Variants in DYSF observed in about 807,000 individuals in gnomAD.
DYSF encodes dysferlin.
DYSF carries 212 observed loss-of-function variants against 274.9 expected under a neutral mutation model. The observed-to-expected ratio is 0.77, with a 90% CI of 0.69 to 0.86. The LOEUF (loss-of-function observed/expected upper bound fraction) is 0.86. Among genes scored for constraint, DYSF ranks in the 40% least tolerant of loss-of-function variants. The pLI, the probability that DYSF is intolerant of heterozygous loss-of-function variation, is 0.00. For synonymous variants in DYSF, 1,091 were observed against 1,078.7 expected, an observed-to-expected ratio of 1.01 and a Z score of -0.22; for missense variants, 2,666 against 2,783.2, an observed-to-expected ratio of 0.96 and a Z score of 0.95.
intron 3 of DYSF, among the ~76,000 whole-genome samples, chr2:71,497,389 T>C (rs1428482107): frequency 6.6e-6 from 1 of 152,180 alleles, no homozygotes; most frequent in Non-Finnish European, 1.5e-5. Context: ...TGGTAGGTAA[T>C]TGAATCATGG....
intron 3 of DYSF, among the ~76,000 whole-genome samples, chr2:71,498,914 C>T (rs1329429428): frequency 6.6e-6 from 1 of 152,072 alleles, no homozygotes; most frequent in Non-Finnish European, 1.5e-5. Context: ...AGGTCAGAGA[C>T]TGTATTTTGT....
At chr2:71,495,253 T>TTGAA (rs141883838) in intron 3 of DYSF, among the ~76,000 whole-genome samples, 7,869 of 152,136 alleles carry the variant, frequency 0.052, 248 homozygotes, top group African/African-American at 0.1. Context: ...TACATATTTG[T>TTGAA]TGAATGAATG....
At chr2:71,673,191 G>A (rs951526905) in intron 51 of DYSF, among the ~76,000 whole-genome samples, 18 of 152,198 alleles carry the variant, frequency 1.2e-4, no homozygotes, top group African/African-American at 4.3e-4. Context: ...CACTCACCCA[G>A]GGGAGAGTTA....
chr2:71,531,079 C>A (rs757502630), intron 14 of DYSF, among the ~76,000 whole-genome samples: 2 of 149,382 alleles, frequency 1.3e-5, no homozygotes, highest in African/African-American at 4.9e-5. Flanking sequence ...TTTAAAACAA[C>A]TTTTTTTTTT....
rs532786614 is a variant in DYSF, at chr2:71,534,874, TGCACTAG to T, written c.1381-144_1381-138del. 127 of 760,888 alleles carry T rather than the reference TGCACTAG, an allele frequency of 1.7e-4. 2 individuals are homozygous for T. The South Asian group carries it at 1.8e-3, about 11-fold the overall frequency. 47.1% of individuals were successfully genotyped at this position (760,888 alleles called of 1,614,324 possible). A position where few individuals can be genotyped will look rare whatever the true frequency, so the allele number is the denominator to read the frequency against. On this transcript the variant is annotated intron_variant, in intron 14 of 55. Transcript: ENST00000410020. The stretch of plus-strand genomic sequence containing the variant: ...AAAGATTCCCTGTGTATGAACCCCC[TGCACTAG>T]GCCCCAACCCCAGGGTCTTACACCC...
intron 12 of DYSF, among the ~76,000 whole-genome samples, chr2:71,523,004 A>G (rs897768695): frequency 6.6e-5 from 10 of 152,198 alleles, no homozygotes; most frequent in Non-Finnish European, 1.3e-4. Context: ...GAATTACAAT[A>G]TAGGTTCAGC....
At chr2:71,655,431 T>G (rs1050369003) in intron 42 of DYSF, among the ~76,000 whole-genome samples, 5 of 152,234 alleles carry the variant, frequency 3.3e-5, no homozygotes, top group Non-Finnish European at 5.9e-5. Context: ...ATGACGAATT[T>G]AGCATGTATG....
At chr2:71,521,259 A>C (rs1266976380) in intron 12 of DYSF, among the ~76,000 whole-genome samples, 1 of 152,232 alleles carries the variant, frequency 6.6e-6, no homozygotes, top group African/African-American at 2.4e-5. Flanking sequence ...TATCATGCTC[A>C]TCTCCACATG....
intron 51 of DYSF, among the ~76,000 whole-genome samples, chr2:71,671,164 A>G (rs1258464840): frequency 6.6e-6 from 1 of 152,202 alleles, no homozygotes. Context: ...AAACCATGAA[A>G]CAAAAGAAAA....
intron 30 of DYSF, among the ~76,000 whole-genome samples, chr2:71,577,575 C>T (rs1483976377): frequency 6.6e-6 from 1 of 151,812 alleles, no homozygotes; most frequent in African/African-American, 2.4e-5. Context: ...CCCTCACACA[C>T]ACCAACACAC....
chr2:71,487,548 G>A (rs1048955656), intron 3 of DYSF, among the ~76,000 whole-genome samples: 14 of 152,142 alleles, frequency 9.2e-5, no homozygotes, highest in Admixed American at 7.2e-4. Flanking sequence ...TCGCTCTGTC[G>A]CCCAGGAAGG....
chr2:71,656,496 G>C (rs1488358842), intron 43 of DYSF, among the ~76,000 whole-genome samples: 1 of 152,180 alleles, frequency 6.6e-6, no homozygotes. Flanking sequence ...TCTCAGTGGT[G>C]GTGACTCTGG....
intron 3 of DYSF, among the ~76,000 whole-genome samples, chr2:71,498,758 G>T (rs998347452): frequency 5.0e-4 from 76 of 152,328 alleles, no homozygotes; most frequent in African/African-American, 1.8e-3. Context: ...GCCCAGGAAT[G>T]AATAAGGGCA....
chr2:71,507,870 C>T (rs1188069162), intron 4 of DYSF, among the ~76,000 whole-genome samples: 1 of 152,264 alleles, frequency 6.6e-6, no homozygotes, highest in African/African-American at 2.4e-5. Context: ...TCCTTGACCT[C>T]CGGGGCTCAA....
At chr2:71,571,703 C>A (rs1270980674) in intron 29 of DYSF, among the ~76,000 whole-genome samples, 1 of 143,032 alleles carries the variant, frequency 7.0e-6, no homozygotes, top group Non-Finnish European at 1.5e-5. Context: ...ATGCACAGAT[C>A]ACAGTCAGCA....
At chr2:71,516,563 A>C (rs1442019920) in intron 9 of DYSF, among the ~76,000 whole-genome samples, 1 of 152,170 alleles carries the variant, frequency 6.6e-6, no homozygotes, top group Non-Finnish European at 1.5e-5. Context: ...CAGGGTCCTT[A>C]AATCACTTGT....
Position 71,556,082 on chromosome 2 carries a change from C to A in DYSF, c.2216+11C>A, listed in dbSNP as rs771066735. Reference sequence around the variant, plus strand: ...CATCGCAGGCTGCAGGTAGGGGGGACCTGGCGCCCCTGGTGCCCACCTCTC... The same window carrying A: ...CATCGCAGGCTGCAGGTAGGGGGGAACTGGCGCCCCTGGTGCCCACCTCTC... On this transcript the variant is annotated intron_variant, in intron 22 of 55. Coordinates refer to ENST00000410020, the MANE Select transcript of DYSF (RefSeq NM_001130987.2). 7.7e-6 allele frequency: 12 copies of A among 1,553,450 alleles called. No individual in the cohort carries two copies. The highest frequency in any genetic ancestry group is 9.6e-6 in the Non-Finnish European group (11 of 1,147,972).
chr2:71,662,496 A>ATG (rs889151199), intron 45 of DYSF, among the ~76,000 whole-genome samples: 1 of 117,446 alleles, frequency 8.5e-6, no homozygotes, highest in African/African-American at 3.1e-5. Context: ...ATTTGTGTGT[A>ATG]TGTGTGTGTA....
chr2:71,676,929 A>ATG (rs3055157), intron 52 of DYSF, among the ~76,000 whole-genome samples: 7,266 of 149,596 alleles, frequency 0.049, 342 homozygotes, highest in African/African-American at 0.13. Context: ...ATGTGTGTGT[A>ATG]TGTGTGTGTG....
Sources: gnomAD v4.1 joint callset for allele counts (sites outside exome capture counted in the v4.1 genomes callset) on GRCh38, gnomAD v4.1.1 for gene constraint, MANE v1.5 for transcripts, NCBI Gene and HGNC (gene_info 2026-07-23, HGNC 2026-07-21) for gene names.